SPAG16: variants seen among roughly 807,000 people sequenced by gnomAD.
SPAG16 encodes sperm associated antigen 16.
SPAG16 carries 86 observed loss-of-function variants against 80.4 expected under a neutral mutation model. The ratio of observed to expected loss-of-function variants is 1.07; its 90% CI spans 0.90 to 1.28. The LOEUF (loss-of-function observed/expected upper bound fraction) is 1.28. Among genes scored for constraint, SPAG16 ranks in the 50% most tolerant of loss-of-function variants. SPAG16 has a pLI of 0.00. For synonymous variants in SPAG16, 294 were observed against 265.9 expected, an observed-to-expected ratio of 1.11 and a Z score of -1.03; for missense variants, 870 against 765.3, an observed-to-expected ratio of 1.14 and a Z score of -1.61.
At chr2:213,287,727 A>G (rs6735700) in intron 1 of SPAG16, among the ~76,000 whole-genome samples, 9,121 of 152,158 alleles carry the variant, frequency 0.06, 907 homozygotes, top group African/African-American at 0.21. Context: ...TGTGAAGCTA[A>G]TCAGCTCTGA....
rs868143492 is a variant in SPAG16, at chr2:213,950,707, T to C, written c.1400+20562T>C. Among the ~76,000 whole-genome samples the C allele has an allele frequency of 9.0e-4, 129 of 142,956 alleles. 1 individual carries two copies. In the East Asian group the frequency reaches 0.014, roughly 15 times the overall value. 93.8% of individuals were successfully genotyped at this position (142,956 alleles called of 152,430 possible). A position where few individuals can be genotyped will look rare whatever the true frequency, so the allele number is the denominator to read the frequency against. ...CTCTCTTTTCTTTTTTCTTTCTTTT[T>C]TTTTTTTTTTTTTTTTCCCTCAAGA... On this transcript the variant is annotated intron_variant, in intron 12 of 15. Coordinates refer to ENST00000331683, the MANE Select transcript of SPAG16 (RefSeq NM_024532.5).
intron 10 of SPAG16, among the ~76,000 whole-genome samples, chr2:213,519,393 A>G (rs1575817786): frequency 6.6e-6 from 1 of 152,228 alleles, no homozygotes; most frequent in Non-Finnish European, 1.5e-5. Flanking sequence ...AGATAATTGA[A>G]TCATGGGGGC....
intron 15 of SPAG16, among the ~76,000 whole-genome samples, chr2:214,307,697 A>ATCTT (rs1436262275): frequency 6.6e-6 from 1 of 152,054 alleles, no homozygotes; most frequent in African/African-American, 2.4e-5. Flanking sequence ...ATGTAATTGT[A>ATCTT]TCTTTTTGAG....
At chr2:213,934,733 T>G (rs1156394857) in intron 12 of SPAG16, among the ~76,000 whole-genome samples, 2 of 152,216 alleles carry the variant, frequency 1.3e-5, no homozygotes, top group Non-Finnish European at 2.9e-5. Context: ...AGGTACTATT[T>G]CCTCATTCTT....
At chr2:214,277,664 T>C (rs1912211) in intron 15 of SPAG16, among the ~76,000 whole-genome samples, 63,891 of 152,130 alleles carry the variant, frequency 0.42, 15,475 homozygotes, top group South Asian at 0.58. Flanking sequence ...TGCTGCCTTA[T>C]CCTTCTTCTG....
chr2:214,355,899 C>A (rs902840748), intron 15 of SPAG16, among the ~76,000 whole-genome samples: 3 of 150,234 alleles, frequency 2.0e-5, no homozygotes, highest in African/African-American at 4.9e-5. Context: ...TGGAAATCAT[C>A]ATTCTCAGTA....
At chr2:213,678,778 G>T (rs1400106592) in intron 10 of SPAG16, among the ~76,000 whole-genome samples, 1 of 152,162 alleles carries the variant, frequency 6.6e-6, no homozygotes, top group South Asian at 2.1e-4. Context: ...GGACAGAAAG[G>T]TTGTACGCAG....
At position 213,520,086 on chromosome 2, in the gene SPAG16, A is replaced by AAGAG. The variant is rs35798649; in HGVS notation, c.1070+30016_1070+30019dup. On this transcript the variant is annotated intron_variant, in intron 10 of 15. Coordinates refer to ENST00000331683, the MANE Select transcript of SPAG16 (RefSeq NM_024532.5). Reference sequence around the variant, plus strand: ...GAGAGGAGAGAGAGAGAGCAAGAGCAAGAGAGAGAGAGAGAGAGAGAGAAT... The same window carrying AAGAG: ...GAGAGGAGAGAGAGAGAGCAAGAGCAAGAGAGAGAGAGAGAGAGAGAGAGAGAAT... Among the ~76,000 whole-genome samples the AAGAG allele has an allele frequency of 2.0e-3, 298 of 148,590 alleles. 3 individuals are homozygous for AAGAG. Among genetic ancestry groups the AAGAG allele is most frequent in the East Asian group, 0.019 (93 of 5,020 alleles).
At chr2:213,547,720 A>G (rs1180818945) in intron 10 of SPAG16, among the ~76,000 whole-genome samples, 1 of 152,210 alleles carries the variant, frequency 6.6e-6, no homozygotes, top group Non-Finnish European at 1.5e-5. Context: ...CCCAGGTACC[A>G]TACTCCACCT....
At chr2:213,738,226 G>T (rs1412876255) in intron 10 of SPAG16, among the ~76,000 whole-genome samples, 1 of 151,988 alleles carries the variant, frequency 6.6e-6, no homozygotes, top group Non-Finnish European at 1.5e-5. Context: ...TTTACATGGG[G>T]GATACATTTC....
chr2:213,819,406 G>T (rs2072787939), intron 10 of SPAG16, among the ~76,000 whole-genome samples: 1 of 152,058 alleles, frequency 6.6e-6, no homozygotes, highest in Non-Finnish European at 1.5e-5. Context: ...TTGTTAACTT[G>T]TTTATTTGAT....
At chr2:213,680,025 G>T (rs2064298163) in intron 10 of SPAG16, among the ~76,000 whole-genome samples, 1 of 152,078 alleles carries the variant, frequency 6.6e-6, no homozygotes, top group South Asian at 2.1e-4. Flanking sequence ...CACACTCCTA[G>T]CACAGGGAAA....
chr2:213,360,842 C>G (rs1471874598), intron 7 of SPAG16, among the ~76,000 whole-genome samples: 1 of 152,060 alleles, frequency 6.6e-6, no homozygotes, highest in Non-Finnish European at 1.5e-5. Context: ...TTCTTTATTT[C>G]AACGTTTGAT....
intron 10 of SPAG16, among the ~76,000 whole-genome samples, chr2:213,804,164 T>C (rs2071595384): frequency 1.3e-5 from 2 of 152,212 alleles, no homozygotes; most frequent in African/African-American, 4.8e-5. Context: ...AGATGAGGTC[T>C]TGGCCCTCAT....
chr2:213,858,900 G>T (rs7574468), intron 10 of SPAG16, among the ~76,000 whole-genome samples: 51,978 of 151,346 alleles, frequency 0.34, 9,314 homozygotes, highest in South Asian at 0.47. Flanking sequence ...TAAAAAGTCC[G>T]CCAGGTGCAG....
At chr2:213,381,543 C>T (rs1009533586) in intron 9 of SPAG16, among the ~76,000 whole-genome samples, 44 of 152,224 alleles carry the variant, frequency 2.9e-4, no homozygotes, top group African/African-American at 9.6e-4. Context: ...TGATTCCATA[C>T]GTAGTCTTCA....
At chr2:213,882,042 G>C (rs922541332) in intron 11 of SPAG16, among the ~76,000 whole-genome samples, 1 of 152,142 alleles carries the variant, frequency 6.6e-6, no homozygotes, top group Non-Finnish European at 1.5e-5. Context: ...TATTATAAAG[G>C]GATGTTGGAT....
intron 15 of SPAG16, among the ~76,000 whole-genome samples, chr2:214,372,868 G>C (rs1699908160): frequency 6.6e-6 from 1 of 152,092 alleles, no homozygotes; most frequent in South Asian, 2.1e-4. Flanking sequence ...TGTCACCCAG[G>C]CTGCTGTTTT....
intron 10 of SPAG16, among the ~76,000 whole-genome samples, chr2:213,719,485 G>A (rs2066412744): frequency 6.6e-6 from 1 of 152,188 alleles, no homozygotes; most frequent in Non-Finnish European, 1.5e-5. Context: ...CTAGCTCAGG[G>A]ATTGTAAACA....
Sources: allele counts gnomAD v4.1 joint callset (sites outside exome capture counted in the v4.1 genomes callset), GRCh38; gene constraint gnomAD v4.1.1; transcripts MANE v1.5; gene names NCBI Gene and HGNC (gene_info 2026-07-23, HGNC 2026-07-21).